PPEF2: variants seen among roughly 807,000 people sequenced by gnomAD.
PPEF2 encodes the protein serine/threonine-protein phosphatase with EF-hands 2.
In PPEF2, 84 loss-of-function variants were observed where a neutral mutation model predicts 84.7. The observed-to-expected ratio is 0.99, with a 90% CI of 0.83 to 1.19. PPEF2 has a LOEUF of 1.19. PPEF2 is among the 50% of genes most tolerant of loss of function. The pLI, the probability that PPEF2 is intolerant of heterozygous loss-of-function variation, is 0.00. For missense variants in PPEF2, 924 were observed against 937.5 expected, an observed-to-expected ratio of 0.99 and a Z score of 0.19; for synonymous variants, 346 against 345.2, an observed-to-expected ratio of 1.00 and a Z score of -0.03.
At chr4:75,898,734 A>G (rs1206609089) in intron 1 of PPEF2, among the ~76,000 whole-genome samples, 1 of 152,186 alleles carries the variant, frequency 6.6e-6, no homozygotes, top group East Asian at 1.9e-4. Flanking sequence ...TTTTTTGCTG[A>G]CACATAATAA....
In PPEF2 at chr4:75,864,490, T is replaced by C. The variant is rs1724081094; in HGVS notation, c.1958A>G (p.Asn653Ser). The C allele has an allele frequency of 6.2e-7, 1 of 1,613,220 alleles. No individual in the cohort carries two copies. Among genetic ancestry groups the C allele is most frequent in the African/African-American group, 1.3e-5 (1 of 74,992 alleles). ...AAAAATGGTCTCTAGGTTGGATCGG[T>C]TTCGATACAATGTTTCCAGCAAACT... Reference protein sequence around the residue: ...QSSLLETLYRNRSNLETIFRI... With the variant: ...QSSLLETLYRSRSNLETIFRI... The change falls in exon 16 of 17, where the codon AAC becomes AGC. Residue 653 changes from asparagine (N) to serine (S), a missense_variant. Transcript: ENST00000286719.
intron 10 of PPEF2, among the ~76,000 whole-genome samples, chr4:75,879,812 T>G (rs1724518154): frequency 6.8e-6 from 1 of 147,622 alleles, no homozygotes; most frequent in African/African-American, 2.5e-5. Flanking sequence ...ATTACTTGAA[T>G]TTTTAAAATG....
intron 11 of PPEF2, among the ~76,000 whole-genome samples, chr4:75,874,421 G>A (rs750472646): frequency 3.3e-5 from 5 of 151,540 alleles, no homozygotes; most frequent in African/African-American, 7.3e-5. Flanking sequence ...TCAGTCTCTC[G>A]AGTAGCTGAG....
At chr4:75,886,009 T>TAA (rs35789945) in intron 7 of PPEF2, among the ~76,000 whole-genome samples, 3,270 of 144,200 alleles carry the variant, frequency 0.023, 83 homozygotes, top group African/African-American at 0.064. Context: ...AACTCTGTCT[T>TAA]AAAAAAAAAA....
At chr4:75,877,733 TACAC>T (rs774606533) in intron 10 of PPEF2, among the ~76,000 whole-genome samples, 9 of 152,118 alleles carry the variant, frequency 5.9e-5, no homozygotes, top group Non-Finnish European at 1.2e-4. Context: ...TTTACATAGG[TACAC>T]ACATGTCACA....
At position 75,882,926 on chromosome 4, in the gene PPEF2, C is replaced by G. The variant is rs774211996; in HGVS notation, c.933G>C (p.Lys311Asn). 18 of 1,609,704 alleles carry G rather than the reference C, an allele frequency of 1.1e-5. No homozygotes were observed. In the East Asian group the frequency reaches 4.0e-4, roughly 36 times the overall value. The change falls in exon 10 of 17, where the codon AAG becomes AAC. Residue 311 changes from lysine (K) to asparagine (N), a missense_variant and splice_region_variant. Lys to Asn is a moderately conservative substitution (Grantham distance 94). Coordinates refer to ENST00000286719, the MANE Select transcript of PPEF2 (RefSeq NM_006239.3). ...TTTGTATTATTTCATTAACCACTAC[C>G]TTGCTCCTCTCTATTTTGTCCAAAA... is the stretch of plus-strand genomic sequence containing the variant. ...LELLDKIERSKIVSTMRCKTR... is the reference protein window; with the variant it reads ...LELLDKIERSNIVSTMRCKTR...
At chr4:75,897,281 A>G (rs1161134946) in intron 1 of PPEF2, among the ~76,000 whole-genome samples, 4 of 152,028 alleles carry the variant, frequency 2.6e-5, no homozygotes, top group Admixed American at 6.6e-5. Context: ...TGTCCCTTAT[A>G]TGTTGATTTT....
At chr4:75,870,044 A>G (rs1230323190) in intron 13 of PPEF2, among the ~76,000 whole-genome samples, 1 of 152,182 alleles carries the variant, frequency 6.6e-6, no homozygotes, top group African/African-American at 2.4e-5. Context: ...ATTTAATGCA[A>G]TCAATGAAGG....
intron 8 of PPEF2, 107 bp downstream of exon 8, chr4:75,884,487 G>T: frequency 7.7e-7 from 1 of 1,305,086 alleles, no homozygotes; most frequent in Non-Finnish European, 1.0e-6. Flanking sequence ...TAAAAAAATT[G>T]GAAAACTAGT....
chr4:75,885,881 C>T (rs926728944), intron 7 of PPEF2, among the ~76,000 whole-genome samples: 2 of 151,980 alleles, frequency 1.3e-5, no homozygotes, highest in Non-Finnish European at 2.9e-5. Flanking sequence ...TGGTGGTGCA[C>T]GCCTGTAGTC....
At chr4:75,875,456 A>T (rs1724384968) in intron 11 of PPEF2, among the ~76,000 whole-genome samples, 1 of 152,076 alleles carries the variant, frequency 6.6e-6, no homozygotes, top group Non-Finnish European at 1.5e-5. Flanking sequence ...AAAAAATACA[A>T]AAATTAGCCA....
In PPEF2 at chr4:75,897,293, A is replaced by G. The variant is rs144905392; in HGVS notation, c.-58-910T>C. 1.7e-3 allele frequency among the ~76,000 whole-genome samples: 263 copies of G among 151,974 alleles called. 1 individual carries two copies. Among genetic ancestry groups the G allele is most frequent in the African/African-American group, 6.2e-3 (256 of 41,428 alleles). On this transcript the variant is annotated intron_variant, in intron 1 of 16. Coordinates refer to ENST00000286719, the MANE Select transcript of PPEF2 (RefSeq NM_006239.3). The stretch of plus-strand genomic sequence containing the variant: ...GTCTGTCCCTTATATGTTGATTTTT[A>G]TTTGCATTCTAGTCTCAAATATCTG...
chr4:75,889,875 C>T (rs1373438259), intron 5 of PPEF2, 82 bp downstream of exon 5: 2 of 1,470,032 alleles, frequency 1.4e-6, no homozygotes, highest in South Asian at 1.2e-5. Flanking sequence ...AAATCTGGGG[C>T]CATTCTTTCT....
intron 4 of PPEF2, among the ~76,000 whole-genome samples, chr4:75,891,117 G>T (rs1353764765): frequency 6.6e-6 from 1 of 151,420 alleles, no homozygotes; most frequent in Non-Finnish European, 1.5e-5. Context: ...GGAGGTAGAG[G>T]TTGCAGTGAG....
chr4:75,896,384 C>T lies in PPEF2; in HGVS notation c.-58-1G>A. ...GATCCAGAGGACAGTGAGCTGTTTG[C>T]TGACAAAATGAAGAGAGAATCTGTA... On this transcript the variant is annotated splice_acceptor_variant, in intron 1 of 16. Transcript: ENST00000286719. LOFTEE classifies it low-confidence loss of function (5UTR_SPLICE). 1.9e-6 allele frequency: 3 copies of T among 1,568,896 alleles called. No individual in the cohort carries two copies. The highest frequency in any genetic ancestry group is 2.7e-5 in the African/African-American group (2 of 73,984).
intron 10 of PPEF2, 163 bp downstream of exon 10, chr4:75,882,763 G>A (rs1724609054): frequency 5.7e-6 from 4 of 704,424 alleles, no homozygotes; most frequent in Admixed American, 3.1e-5. Flanking sequence ...AAAGTGCTGA[G>A]TTTATAGGTG....
chr4:75,861,765 A>ACC (rs1309344664), intron 16 of PPEF2, among the ~76,000 whole-genome samples: 1 of 138,870 alleles, frequency 7.2e-6, no homozygotes, highest in Admixed American at 7.7e-5. Flanking sequence ...ACCCGCCACC[A>ACC]CTCCCGGCTA....
intron 7 of PPEF2, among the ~76,000 whole-genome samples, chr4:75,885,818 G>A (rs1243816933): frequency 6.6e-6 from 1 of 152,140 alleles, no homozygotes; most frequent in South Asian, 2.1e-4. Flanking sequence ...AGACCAGCCC[G>A]GCCAAGATGG....
At chr4:75,889,419 C>T (rs1477242346) in intron 5 of PPEF2, among the ~76,000 whole-genome samples, 1 of 152,132 alleles carries the variant, frequency 6.6e-6, no homozygotes, top group Non-Finnish European at 1.5e-5. Flanking sequence ...CCTCCCTCTA[C>T]CTGGAACGCT....
Sources: gnomAD v4.1 joint callset for allele counts (sites outside exome capture counted in the v4.1 genomes callset) on GRCh38, gnomAD v4.1.1 for gene constraint, MANE v1.5 for transcripts, NCBI Gene and HGNC (gene_info 2026-07-23, HGNC 2026-07-21) for gene names.